SNX24: variants seen among roughly 807,000 people sequenced by gnomAD.
SNX24 encodes sorting nexin-24.
In SNX24, 22 loss-of-function variants were observed where a neutral mutation model predicts 28.7. The observed-to-expected ratio is 0.77, with a 90% CI of 0.55 to 1.10. SNX24 has a LOEUF of 1.10. Ranked by LOEUF, SNX24 falls within the 50% of genes least tolerant of loss-of-function variation. The pLI is 0.00. For synonymous variants in SNX24, 69 were observed against 71.5 expected (o/e 0.96, Z 0.18); for missense variants, 221 against 201.1 (o/e 1.10, Z -0.60).
intron 3 of SNX24, among the ~76,000 whole-genome samples, chr5:122,983,272 T>C (rs1425222823): frequency 6.6e-6 from 1 of 152,160 alleles, no homozygotes; most frequent in East Asian, 1.9e-4. Context: ...TTTTTTCTCT[T>C]AAATGGAATA....
intron 3 of SNX24, chr5:122,965,522 G>A (rs1375902216): frequency 2.2e-6 from 1 of 450,542 alleles, no homozygotes; most frequent in African/African-American, 2.0e-5. Context: ...TTGTGTAAAG[G>A]TAGGTGCAAA....
intron 1 of SNX24, among the ~76,000 whole-genome samples, chr5:122,901,194 T>A (rs1033176868): frequency 7.2e-6 from 1 of 138,284 alleles, no homozygotes; most frequent in African/African-American, 2.7e-5. Flanking sequence ...AGAGCAAAAC[T>A]CCATCTCAAA....
At chr5:122,854,000 C>T (rs1231867753) in intron 1 of SNX24, among the ~76,000 whole-genome samples, 1 of 133,016 alleles carries the variant, frequency 7.5e-6, no homozygotes, top group Non-Finnish European at 1.6e-5. Context: ...AATTCTAAAT[C>T]AAACACACTG....
At chr5:122,996,409 C>A (rs533915208) in intron 3 of SNX24, among the ~76,000 whole-genome samples, 2 of 152,276 alleles carry the variant, frequency 1.3e-5, no homozygotes, top group East Asian at 3.9e-4. Context: ...AAACCCCCTG[C>A]CACTGAAAGC....
intron 1 of SNX24, among the ~76,000 whole-genome samples, chr5:122,910,306 C>G (rs948253647): frequency 4.6e-5 from 7 of 152,104 alleles, no homozygotes; most frequent in African/African-American, 7.2e-5. Context: ...ACAGCCACCC[C>G]CTTCTCTACT....
chr5:122,938,341 C>T (rs538909446), intron 2 of SNX24, among the ~76,000 whole-genome samples: 2 of 152,306 alleles, frequency 1.3e-5, no homozygotes, highest in African/African-American at 4.8e-5. Context: ...CCAGGATTCT[C>T]TCTTCTCTCA....
chr5:122,902,186 C>G (rs574787026), intron 1 of SNX24, among the ~76,000 whole-genome samples: 1 of 152,154 alleles, frequency 6.6e-6, no homozygotes, highest in African/African-American at 2.4e-5. Flanking sequence ...TAGGCTGTAC[C>G]CTGCTGTGTC....
downstream of SNX24, among the ~76,000 whole-genome samples, chr5:123,009,832 T>G (rs77745278): frequency 0.03 from 4,592 of 152,304 alleles, 129 homozygotes; most frequent in East Asian, 0.04. Flanking sequence ...CAGCAACTTC[T>G]AGCACTGACC....
At chr5:122,943,263 A>G (rs917578227) in intron 2 of SNX24, among the ~76,000 whole-genome samples, 5 of 152,136 alleles carry the variant, frequency 3.3e-5, no homozygotes, top group African/African-American at 1.2e-4. Context: ...TCTGTTTCAC[A>G]TAATAAAGCC....
At chr5:123,021,108 C>CA (rs953642987) in intron 5 of SNX24, among the ~76,000 whole-genome samples, 25 of 150,764 alleles carry the variant, frequency 1.7e-4, no homozygotes, top group Non-Finnish European at 2.8e-4. Context: ...CACAGTTCCC[C>CA]CCCCGTCCCC....
chr5:122,965,081 G>C (rs1760663089), intron 3 of SNX24, among the ~76,000 whole-genome samples: 1 of 152,178 alleles, frequency 6.6e-6, no homozygotes, highest in Non-Finnish European at 1.5e-5. Flanking sequence ...TCAAGAGTGA[G>C]CACAGGACCC....
chr5:122,939,384 CTATT>C (rs1369162628), intron 2 of SNX24, among the ~76,000 whole-genome samples: 1 of 152,106 alleles, frequency 6.6e-6, no homozygotes, highest in African/African-American at 2.4e-5. Context: ...ATAGAATTAT[CTATT>C]TATGTGCTTT....
intron 6 of SNX24, among the ~76,000 whole-genome samples, chr5:123,006,152 G>A (rs1218043867): frequency 2.0e-5 from 3 of 152,158 alleles, no homozygotes; most frequent in Non-Finnish European, 4.4e-5. Context: ...ATAAATATAT[G>A]TTGAGGTAAA....
At chr5:122,930,539 A>G (rs938037707) in intron 1 of SNX24, among the ~76,000 whole-genome samples, 2 of 152,192 alleles carry the variant, frequency 1.3e-5, no homozygotes, top group Non-Finnish European at 2.9e-5. Context: ...GTAATTAAAA[A>G]TAAATTCTAG....
chr5:122,954,950 A>G (rs1480470395), intron 3 of SNX24, among the ~76,000 whole-genome samples: 1 of 152,114 alleles, frequency 6.6e-6, no homozygotes, highest in Non-Finnish European at 1.5e-5. Context: ...TTCACTGAGT[A>G]CACTTTCAGC....
At chr5:122,959,026 A>G (rs868181448) in intron 3 of SNX24, among the ~76,000 whole-genome samples, 1 of 152,030 alleles carries the variant, frequency 6.6e-6, no homozygotes, top group African/African-American at 2.4e-5. Context: ...GTTAGGGTGT[A>G]TTTCCTCCTG....
chr5:122,992,015 A>G (rs1187776212), intron 3 of SNX24, among the ~76,000 whole-genome samples: 1 of 152,220 alleles, frequency 6.6e-6, no homozygotes, highest in Non-Finnish European at 1.5e-5. Flanking sequence ...TTAAATAAGA[A>G]AAGAATTAAA....
chr5:122,953,527 GA>G (rs35953786), intron 3 of SNX24, among the ~76,000 whole-genome samples: 14 of 148,806 alleles, frequency 9.4e-5, no homozygotes, highest in Non-Finnish European at 1.8e-4. Context: ...TAATCTTCCA[GA>G]AAAAAAAAAA....
intron 3 of SNX24, among the ~76,000 whole-genome samples, chr5:122,989,872 C>CT (rs1761759277): frequency 6.6e-6 from 1 of 152,168 alleles, no homozygotes; most frequent in African/African-American, 2.4e-5. Context: ...TCCCTGAACT[C>CT]AGAGAACAGG....
Sources: allele counts gnomAD v4.1 joint callset (sites outside exome capture counted in the v4.1 genomes callset), GRCh38; gene constraint gnomAD v4.1.1; transcripts MANE v1.5; gene names NCBI Gene and HGNC (gene_info 2026-07-23, HGNC 2026-07-21).